ATP11A: variants seen among roughly 807,000 people sequenced by gnomAD.
The protein encoded by ATP11A is ATPase phospholipid transporting 11A.
Under a neutral mutation model 154.4 loss-of-function variants are expected in ATP11A, and 81 were observed. The observed-to-expected ratio is 0.52, with a 90% CI of 0.44 to 0.63. The LOEUF is 0.63. ATP11A is among the 30% of genes least tolerant of loss of function. The pLI is 0.00. For synonymous variants in ATP11A, 623 were observed against 585.9 expected, an observed-to-expected ratio of 1.06 and a Z score of -0.91; for missense variants, 1,316 against 1,474.3, an observed-to-expected ratio of 0.89 and a Z score of 1.76.
At chr13:112,726,058 G>A (rs1230138305) in intron 1 of ATP11A, among the ~76,000 whole-genome samples, 1 of 152,272 alleles carries the variant, frequency 6.6e-6, no homozygotes, top group Non-Finnish European at 1.5e-5. Flanking sequence ...CTGGTGTCTA[G>A]GGAGTCACAA....
At chr13:112,820,019 G>A (rs952103635) in intron 8 of ATP11A, 69 bp downstream of exon 8, 45 of 1,438,874 alleles carry the variant, frequency 3.1e-5, no homozygotes, top group Middle Eastern at 3.7e-4. Flanking sequence ...ATTCTTTGAC[G>A]GACAAGGGTT....
In ATP11A at chr13:112,787,108, C is replaced by G. The variant is rs957108684; in HGVS notation, c.162+1851C>G. Among the ~76,000 whole-genome samples the G allele has an allele frequency of 3.3e-5, 4 of 121,510 alleles. No homozygotes were observed. In the East Asian group the frequency reaches 9.4e-4, roughly 29 times the overall value. 79.7% of individuals were successfully genotyped at this position (121,510 alleles called of 152,430 possible). A position where few individuals can be genotyped will look rare whatever the true frequency, so the allele number is the denominator to read the frequency against. ...CTGTGGAGACCTACTTAATTCACAC[C>G]GGTGTCCTGACGTGTAGACCCCTGT... is the stretch of plus-strand genomic sequence containing the variant. On this transcript the variant is annotated intron_variant, in intron 2 of 29. Coordinates refer to ENST00000375645, the MANE Select transcript of ATP11A (RefSeq NM_015205.3).
intron 1 of ATP11A, among the ~76,000 whole-genome samples, chr13:112,777,899 C>G (rs2077387445): frequency 6.6e-6 from 1 of 152,238 alleles, no homozygotes; most frequent in Non-Finnish European, 1.5e-5. Context: ...TCCCCCAACG[C>G]CAGATGTGGA....
At chr13:112,857,749 C>T in intron 20 of ATP11A, 69 bp from the exon 21 acceptor site, 2 of 1,239,908 alleles carry the variant, frequency 1.6e-6, no homozygotes. Context: ...GTTATTTCTG[C>T]CTAGTGAATG....
intron 29 of ATP11A, among the ~76,000 whole-genome samples, chr13:112,878,828 A>G (rs544332966): frequency 6.6e-6 from 1 of 152,350 alleles, no homozygotes; most frequent in South Asian, 2.1e-4. Context: ...CACATTTCAG[A>G]AAAGGGGAGC....
At chr13:112,781,656 G>A (rs188020840) in intron 1 of ATP11A, among the ~76,000 whole-genome samples, 60 of 152,148 alleles carry the variant, frequency 3.9e-4, no homozygotes, top group African/African-American at 1.3e-3. Flanking sequence ...GGGGTCCAGC[G>A]TGTTTTCGGC....
chr13:112,806,462 G>T (rs1005952203), intron 4 of ATP11A, among the ~76,000 whole-genome samples, 169 bp downstream of exon 4: 1 of 152,180 alleles, frequency 6.6e-6, no homozygotes, highest in Admixed American at 6.5e-5. Context: ...AGCGAAATAA[G>T]AGATGTTATA....
chr13:112,716,628 C>T (rs921365099), intron 1 of ATP11A, among the ~76,000 whole-genome samples: 1 of 152,186 alleles, frequency 6.6e-6, no homozygotes, highest in African/African-American at 2.4e-5. Flanking sequence ...TGGGTTTGCA[C>T]TGAGCCAGGT....
intron 1 of ATP11A, among the ~76,000 whole-genome samples, chr13:112,733,883 A>G (rs1462484616): frequency 2.0e-5 from 3 of 152,182 alleles, no homozygotes; most frequent in African/African-American, 7.2e-5. Flanking sequence ...TGTGATTCTT[A>G]TCTTCAGAGC....
rs531894788 is a variant in ATP11A, at chr13:112,851,422, T to G, written c.1991+204T>G. ...TGCCTGGGGGATATTTTGTTGTCCA[T>G]GAAGAAGATGCCTGAAAGCACACTT... On this transcript the variant is annotated intron_variant, in intron 18 of 29. Coordinates refer to ENST00000375645, the MANE Select transcript of ATP11A (RefSeq NM_015205.3). 1.3e-5 allele frequency: 6 copies of G among 466,056 alleles called. No homozygotes were observed. The South Asian group carries it at 2.5e-4, about 20-fold the overall frequency. The allele number at this position is 466,056 out of a possible 1,614,324, so 28.9% of individuals were successfully genotyped here. A position where few individuals can be genotyped will look rare whatever the true frequency, so the allele number is the denominator to read the frequency against.
intron 10 of ATP11A, 85 bp downstream of exon 10, chr13:112,824,510 T>C: frequency 1.6e-6 from 2 of 1,268,872 alleles, no homozygotes; most frequent in Non-Finnish European, 2.3e-6. Context: ...CTTGGCCTTA[T>C]TGGCAGTTCC....
At chr13:112,873,160 G>C (rs868475315) in intron 26 of ATP11A, among the ~76,000 whole-genome samples, 1 of 127,908 alleles carries the variant, frequency 7.8e-6, no homozygotes. Flanking sequence ...TTCCTGAGTG[G>C]TGTGAGGTGT....
At position 112,691,614 on chromosome 13, in the gene ATP11A, G is replaced by C. The variant is rs1199224948; in HGVS notation, c.39+1159G>C. On this transcript the variant is annotated intron_variant, in intron 1 of 29. Coordinates refer to ENST00000375645, the MANE Select transcript of ATP11A (RefSeq NM_015205.3). ...GCGGTCACTGGTCAATCACAGGTTC[G>C]AGAAGTCGCATGCACCGGGTTTGAT... 6.6e-4 allele frequency among the ~76,000 whole-genome samples: 100 copies of C among 151,994 alleles called. 1 individual carries two copies. The highest frequency in any genetic ancestry group is 1.2e-4 in the Non-Finnish European group (8 of 68,010).
At chr13:112,823,955 C>T (rs1566533832) in intron 9 of ATP11A, among the ~76,000 whole-genome samples, 1 of 152,176 alleles carries the variant, frequency 6.6e-6, no homozygotes, top group African/African-American at 2.4e-5. Flanking sequence ...ACTTCTGATA[C>T]CTAGCACGAT....
At position 112,878,341 on chromosome 13, in the gene ATP11A, G is replaced by T. The variant is rs144839412; in HGVS notation, c.*9+38G>T. 6.0e-3 allele frequency: 9,697 copies of T among 1,604,322 alleles called. 36 individuals carry two copies. Among genetic ancestry groups the T allele is most frequent in the Non-Finnish European group, 7.5e-3 (8,788 of 1,173,058 alleles). On this transcript the variant is annotated intron_variant, in intron 29 of 29. Transcript: ENST00000375645. Reference sequence around the variant, plus strand: ...TGCCTTCCACGCACCTGGGATGGTAGACACGGGGCAGCAGGGCCATGCCCA... The same window carrying T: ...TGCCTTCCACGCACCTGGGATGGTATACACGGGGCAGCAGGGCCATGCCCA...
chr13:112,874,744 GAGGGTGTCAGGCACCCTGT>G (rs1425250919), intron 27 of ATP11A, among the ~76,000 whole-genome samples: 7 of 152,158 alleles, frequency 4.6e-5, no homozygotes, highest in Non-Finnish European at 1.0e-4. Flanking sequence ...GCCCAGCTTG[GAGGGTGTCAGGCACCCTGT>G]CAGCCCCAGA....
At chr13:112,860,187 C>A in intron 23 of ATP11A, 100 bp from the exon 24 acceptor site, 1 of 1,387,996 alleles carries the variant, frequency 7.2e-7, no homozygotes, top group Non-Finnish European at 9.9e-7. Context: ...GCGCTCTGGT[C>A]TTTCTATGCA....
chr13:112,810,813 C>G (rs1351103121), intron 5 of ATP11A, 87 bp downstream of exon 5: 1 of 1,123,774 alleles, frequency 8.9e-7, no homozygotes, highest in African/African-American at 1.5e-5. Flanking sequence ...GCTCGCGCCT[C>G]CAGTCCCAGC....
At chr13:112,855,542 C>T (rs1418935994) in intron 19 of ATP11A, among the ~76,000 whole-genome samples, 1 of 152,140 alleles carries the variant, frequency 6.6e-6, no homozygotes, top group East Asian at 1.9e-4. Context: ...CTTAGGTCAT[C>T]CAGGCAGAAA....
Sources: allele counts gnomAD v4.1 joint callset (sites outside exome capture counted in the v4.1 genomes callset), GRCh38; gene constraint gnomAD v4.1.1; transcripts MANE v1.5; gene names NCBI Gene and HGNC (gene_info 2026-07-23, HGNC 2026-07-21).